Variants in PITPNM2 observed in about 807,000 individuals in gnomAD.
PITPNM2 encodes the protein phosphatidylinositol transfer protein membrane associated 2, also known as membrane-associated phosphatidylinositol transfer protein 2.
Under a neutral mutation model 132.2 loss-of-function variants are expected in PITPNM2, and 35 were observed. The ratio of observed to expected loss-of-function variants is 0.26; its 90% CI spans 0.20 to 0.35. The LOEUF (loss-of-function observed/expected upper bound fraction) is 0.35. Among genes scored for constraint, PITPNM2 ranks in the 10% least tolerant of loss-of-function variants. The pLI is 1.00. For synonymous variants in PITPNM2, 738 were observed against 799.2 expected (o/e 0.92, Z 1.29); for missense variants, 1,332 against 1,912.0 (o/e 0.70, Z 5.66).
In PITPNM2 at chr12:122,992,662, C is replaced by A. The variant is rs770393229; in HGVS notation, c.2241G>T (p.Gln747His). 2.7e-5 allele frequency: 42 copies of A among 1,552,570 alleles called. No homozygotes were observed. Among genetic ancestry groups the A allele is most frequent in the Non-Finnish European group, 3.6e-5 (41 of 1,146,214 alleles). Residue 747 changes from glutamine (Q) to histidine (H), a missense_variant, in exon 16 of 26, where the codon CAG (glutamine) becomes CAT (histidine). By Grantham distance (24) the Gln-to-His change is conservative. This residue lies in a region of PITPNM2 where 710 missense variants were observed against 911.5 expected (regional missense o/e 0.78). Coordinates refer to ENST00000320201, the MANE Select transcript of PITPNM2 (RefSeq NM_020845.3). The surrounding 1 kb of genome is among the most constrained non-coding windows in gnomAD (Gnocchi z 6.5). ...KTVIPALDVF[Q>H]LRPACQQVYN... ...AGACTTGCTGGCAGGCCGGCCGCAGCTGGAAAACTGGGGGTGGGGGTGTTG... is the reference window on the plus strand; with the variant it reads ...AGACTTGCTGGCAGGCCGGCCGCAGATGGAAAACTGGGGGTGGGGGTGTTG...
At chr12:122,988,920 G>A in intron 18 of PITPNM2, 48 bp from the exon 19 acceptor site, 1 of 1,492,696 alleles carries the variant, frequency 6.7e-7, no homozygotes, top group Non-Finnish European at 8.9e-7. Context: ...GCCCCAGACA[G>A]GGACCCCGAA....
intron 2 of PITPNM2, among the ~76,000 whole-genome samples, chr12:123,057,734 C>T (rs926556940): frequency 6.6e-6 from 1 of 152,144 alleles, no homozygotes; most frequent in African/African-American, 2.4e-5. Flanking sequence ...GCCTCCTGGG[C>T]TCCCCACCGC....
chr12:123,018,029 T>TCCC (rs2039504108), intron 3 of PITPNM2, among the ~76,000 whole-genome samples: 1 of 140,488 alleles, frequency 7.1e-6, no homozygotes, highest in Non-Finnish European at 1.5e-5. Context: ...CCTTCCTTCC[T>TCCC]TCCTTCCTCC....
chr12:123,067,108 G>C (rs776239088), intron 2 of PITPNM2, among the ~76,000 whole-genome samples: 1 of 152,160 alleles, frequency 6.6e-6, no homozygotes, highest in Non-Finnish European at 1.5e-5. Flanking sequence ...AATCATACTG[G>C]ATTGAGGATG....
intron 2 of PITPNM2, among the ~76,000 whole-genome samples, chr12:123,096,457 C>T (rs767853825): frequency 9.2e-5 from 14 of 152,220 alleles, no homozygotes; most frequent in Non-Finnish European, 1.9e-4. Context: ...GTGTCTTGGG[C>T]ATGCGTTCTG....
intron 1 of PITPNM2, among the ~76,000 whole-genome samples, chr12:123,119,838 T>G (rs73413263): frequency 0.035 from 5,362 of 151,860 alleles, 310 homozygotes; most frequent in African/African-American, 0.12. Flanking sequence ...GCTTGTTTTA[T>G]TATTATTTTC....
chr12:122,995,772 C>T lies in PITPNM2; in HGVS notation c.1783-112G>A, dbSNP rs1032065618. On this transcript the variant is annotated intron_variant, in intron 13 of 25. Transcript: ENST00000320201. ...AACCCCAGGCCAAGCGGCCACTGTC[C>T]AGCCGGCCTCTTGCCAAACCAGAGG... 1.8e-5 allele frequency: 25 copies of T among 1,391,378 alleles called. No homozygotes were observed. In the African/African-American group the frequency reaches 3.2e-4, roughly 18 times the overall value. 86.2% of individuals were successfully genotyped at this position (1,391,378 alleles called of 1,614,324 possible). A position where few individuals can be genotyped will look rare whatever the true frequency, so the allele number is the denominator to read the frequency against.
intron 8 of PITPNM2, among the ~76,000 whole-genome samples, chr12:123,002,733 T>C (rs954058818): frequency 6.9e-4 from 105 of 152,132 alleles, no homozygotes; most frequent in African/African-American, 2.5e-3. Flanking sequence ...ATAATCATAA[T>C]TGTACATATT....
chr12:123,004,517 C>T lies in PITPNM2; in HGVS notation c.953-28G>A. On this transcript the variant is annotated intron_variant, in intron 7 of 25. Coordinates refer to ENST00000320201, the MANE Select transcript of PITPNM2 (RefSeq NM_020845.3). The surrounding 1 kb of genome is among the most constrained non-coding windows in gnomAD (Gnocchi z 4.9). ...GGAAGGCAAAACCCCAGATTGACCG[C>T]CAACTGGAGAGGAAGGGCCCAGAGG... 1.9e-6 allele frequency: 3 copies of T among 1,610,766 alleles called. No homozygotes were observed. The highest frequency in any genetic ancestry group is 2.5e-6 in the Non-Finnish European group (3 of 1,177,872).
intron 2 of PITPNM2, among the ~76,000 whole-genome samples, chr12:123,105,118 TA>T (rs1181749088): frequency 1.3e-5 from 2 of 152,092 alleles, no homozygotes; most frequent in Non-Finnish European, 2.9e-5. Flanking sequence ...CTCCCTGAGC[TA>T]CCATCCTGGC....
chr12:123,114,269 G>A (rs928068130), intron 1 of PITPNM2, among the ~76,000 whole-genome samples: 2 of 151,938 alleles, frequency 1.3e-5, no homozygotes, highest in African/African-American at 4.8e-5. Context: ...TAATGCATCT[G>A]TATTTTGAAA....
At chr12:123,024,399 T>A (rs1269723290) in intron 3 of PITPNM2, among the ~76,000 whole-genome samples, 1 of 152,188 alleles carries the variant, frequency 6.6e-6, no homozygotes, top group African/African-American at 2.4e-5. Context: ...AGTTACCATA[T>A]GACCCAGCAA....
intron 2 of PITPNM2, among the ~76,000 whole-genome samples, chr12:123,046,807 T>C (rs2040673595): frequency 6.6e-6 from 1 of 152,224 alleles, no homozygotes; most frequent in East Asian, 1.9e-4. Context: ...GCTGCAAGGC[T>C]ATTAGCCCCG....
chr12:123,125,861 AG>A lies in PITPNM2; in HGVS notation c.-199-15374del, dbSNP rs1224763199. Among the ~76,000 whole-genome samples, 32 of 71,096 alleles carry A rather than the reference AG, an allele frequency of 4.5e-4. 5 individuals carry two copies. Among genetic ancestry groups the A allele is most frequent in the African/African-American group, 1.5e-3 (28 of 18,648 alleles). The allele number at this position is 71,096 out of a possible 152,430, so 46.6% of individuals were successfully genotyped here. A position where few individuals can be genotyped will look rare whatever the true frequency, so the allele number is the denominator to read the frequency against. ...TGTCTCAAAAAAAAAAAAAAAAATT[AG>A]GGTTTTTTTTTTTTTTTTTTTTTTT... On this transcript the variant is annotated intron_variant, in intron 1 of 25. Transcript: ENST00000320201.
intron 2 of PITPNM2, among the ~76,000 whole-genome samples, chr12:123,055,086 G>T (rs536379913): frequency 1.3e-5 from 2 of 152,038 alleles, no homozygotes. Context: ...GAAAAGAAAA[G>T]AAAAGGTACA....
chr12:122,985,175 A>T lies in PITPNM2; in HGVS notation c.*852T>A, dbSNP rs1352425987. The T allele has an allele frequency of 6.6e-6, 1 of 152,570 alleles. No individual in the cohort carries two copies. The highest frequency in any genetic ancestry group is 6.5e-5 in the Admixed American group (1 of 15,298). The allele number at this position is 152,570 out of a possible 1,614,324, so 9.5% of individuals were successfully genotyped here. A position where few individuals can be genotyped will look rare whatever the true frequency, so the allele number is the denominator to read the frequency against. On this transcript the variant is annotated 3_prime_UTR_variant, in exon 26 of 26. Transcript: ENST00000320201. ...GAGGGGCTGCTCTCAGTACTGAAAG[A>T]GTTAAGAAAAGGAAGCAGCCAAGGA...
At chr12:123,050,893 C>T (rs1050608185) in intron 2 of PITPNM2, among the ~76,000 whole-genome samples, 5 of 152,202 alleles carry the variant, frequency 3.3e-5, no homozygotes, top group Non-Finnish European at 7.3e-5. Flanking sequence ...AGGAAAAAAA[C>T]CACTGGTCAA....
chr12:123,010,047 G>A lies in PITPNM2; in HGVS notation c.446C>T (p.Pro149Leu). 1 of 1,614,066 alleles carries A rather than the reference G, an allele frequency of 6.2e-7. No homozygotes were observed. Among genetic ancestry groups the A allele is most frequent in the Non-Finnish European group, 8.5e-7 (1 of 1,179,996 alleles). The change falls in exon 6 of 26, where the codon CCC becomes CTC. Residue 149 changes from proline to leucine, a missense_variant. By Grantham distance (98) the Pro-to-Leu change is moderately conservative. Transcript: ENST00000320201. ...CTCTTCTGTCTTATACTCGTTGTGG[G>A]GCACAGGGTCTTTGACAATGTCGAT... is the stretch of plus-strand genomic sequence containing the variant. The part of the protein sequence containing the change: ...DFIDIVKDPV[P>L]HNEYKTEEDP...
In PITPNM2 at chr12:122,997,566, C is replaced by G. The variant is rs748228340; in HGVS notation, c.1231G>C (p.Val411Leu). 26 of 1,611,144 alleles carry G rather than the reference C, an allele frequency of 1.6e-5. No homozygotes were observed. The highest frequency in any genetic ancestry group is 1.3e-4 in the South Asian group (12 of 91,052). ...VEQLNIIEDE[V>L]SQPLAAPPSK... ...GGCGGTGCAGCCAGCGGCTGGCTAA[C>G]CTCGTCCTGCATGGGTTGGGGGACA... The change falls in exon 11 of 26, where the codon GTT becomes CTT. Residue 411 changes from valine to leucine, a missense_variant. Around this residue, in one of 6 missense-constraint regions of PITPNM2, gnomAD observed 710 missense variants for 911.5 expected, o/e 0.78. Transcript: ENST00000320201.
Sources: gnomAD v4.1 joint callset for allele counts (sites outside exome capture counted in the v4.1 genomes callset) on GRCh38, gnomAD v4.1.1 for gene constraint, gnomAD v4.1.1 regional missense constraint, Gnocchi (gnomAD v3.1) non-coding constraint, MANE v1.5 for transcripts, NCBI Gene and HGNC (gene_info 2026-07-23, HGNC 2026-07-21) for gene names.